The following SNTG2 variants were observed in gnomAD, a reference collection of about 807,000 sequenced individuals.
The protein encoded by SNTG2 is gamma-2-syntrophin.
Under a neutral mutation model 70.9 loss-of-function variants are expected in SNTG2, and 74 were observed. The observed-to-expected ratio is 1.04, with a 90% CI of 0.86 to 1.27. The LOEUF is 1.27. SNTG2 is among the 50% of genes most tolerant of loss of function. The pLI is 0.00. For missense variants in SNTG2, 717 were observed against 690.7 expected, an observed-to-expected ratio of 1.04 and a Z score of -0.43; for synonymous variants, 278 against 273.8, an observed-to-expected ratio of 1.02 and a Z score of -0.15.
chr2:953,929 C>T (rs1479586796), intron 1 of SNTG2, among the ~76,000 whole-genome samples: 1 of 150,772 alleles, frequency 6.6e-6, no homozygotes, highest in African/African-American at 2.4e-5. Flanking sequence ...CTCAAGATAC[C>T]CCATGAGGCT....
chr2:1,255,885 A>AATATATATATAAATATATAAAT (rs1305282798), intron 12 of SNTG2, among the ~76,000 whole-genome samples: 2 of 90,480 alleles, frequency 2.2e-5, no homozygotes, highest in South Asian at 6.4e-4. Flanking sequence ...TATATATATA[A>AATATATATATAAATATATAAAT]ATATATATAA....
At chr2:1,326,087 C>G (rs1044701124) in intron 16 of SNTG2, among the ~76,000 whole-genome samples, 1 of 152,148 alleles carries the variant, frequency 6.6e-6, no homozygotes, top group African/African-American at 2.4e-5. Flanking sequence ...CCTGCCTCAG[C>G]CTCCCAAAGT....
rs575970855 is a variant in SNTG2 at position 998,292 on chromosome 2, C to G, written c.72+47224C>G. On this transcript the variant is annotated intron_variant, in intron 1 of 16. Transcript: ENST00000308624. ...TCACACTAATTCTCTAGCAGTATATCCTAACCAAAATGAAAACATGGAAAT... is the reference window on the plus strand; with the variant it reads ...TCACACTAATTCTCTAGCAGTATATGCTAACCAAAATGAAAACATGGAAAT... Among the ~76,000 whole-genome samples, 5 of 151,910 alleles carry G rather than the reference C, an allele frequency of 3.3e-5. No homozygotes were observed. In the East Asian group the frequency reaches 9.7e-4, roughly 29 times the overall value.
At chr2:1,020,202 C>T (rs1483267082) in intron 1 of SNTG2, among the ~76,000 whole-genome samples, 3 of 152,358 alleles carry the variant, frequency 2.0e-5, no homozygotes, top group East Asian at 1.9e-4. Context: ...TACGTGCATG[C>T]TCTTCCAGCC....
At chr2:1,234,998 G>C (rs796814453) in intron 9 of SNTG2, among the ~76,000 whole-genome samples, 22 of 152,350 alleles carry the variant, frequency 1.4e-4, no homozygotes, top group African/African-American at 5.3e-4. Context: ...TCCCTGAGAA[G>C]ACACTGTCGT....
At chr2:1,365,143 C>T (rs1222516249) in intron 16 of SNTG2, among the ~76,000 whole-genome samples, 3 of 151,790 alleles carry the variant, frequency 2.0e-5, no homozygotes, top group Admixed American at 1.3e-4. Context: ...ATTTTGAGTA[C>T]AGTCTCACGC....
rs1678814499 is a variant in SNTG2, at chr2:1,267,591, T to C, written c.1284+20T>C. ...ACCGGGGTAAGTGAACAACTCACAC[T>C]CTTCTCACCTACACCTGCTCGGGTG... On this transcript the variant is annotated intron_variant, in intron 14 of 16. Transcript: ENST00000308624. 2.5e-6 allele frequency: 4 copies of C among 1,606,992 alleles called. No homozygotes were observed. The East Asian group carries it at 6.7e-5, about 27-fold the overall frequency.
chr2:1,178,916 T>G (rs77451108), intron 8 of SNTG2, among the ~76,000 whole-genome samples: 84,519 of 151,722 alleles, frequency 0.56, 24,794 homozygotes, highest in East Asian at 0.75. Flanking sequence ...GAATTCAGCT[T>G]TGAATCCATC....
At chr2:1,180,672 G>T (rs560211703) in intron 8 of SNTG2, among the ~76,000 whole-genome samples, 1 of 148,198 alleles carries the variant, frequency 6.7e-6, no homozygotes, top group South Asian at 2.2e-4. Context: ...ATTCCTCAGG[G>T]ATCTAGAACT....
chr2:1,006,285 C>T (rs1482251582), intron 1 of SNTG2, among the ~76,000 whole-genome samples: 2 of 150,580 alleles, frequency 1.3e-5, no homozygotes, highest in Non-Finnish European at 2.9e-5. Flanking sequence ...ACAATGTGCA[C>T]ATGTACCTTA....
chr2:1,321,559 G>A (rs898735392), intron 16 of SNTG2, among the ~76,000 whole-genome samples: 5 of 152,114 alleles, frequency 3.3e-5, no homozygotes, highest in South Asian at 2.1e-4. Context: ...AGCACCGATC[G>A]ATGCCCACAG....
At chr2:1,100,835 G>C (rs750774187) in intron 4 of SNTG2, among the ~76,000 whole-genome samples, 3 of 152,116 alleles carry the variant, frequency 2.0e-5, no homozygotes, top group Non-Finnish European at 2.9e-5. Context: ...AGTAGGTAAC[G>C]TTCAGTAAAG....
chr2:1,225,398 G>T (rs1269295869), intron 9 of SNTG2, among the ~76,000 whole-genome samples: 1 of 152,210 alleles, frequency 6.6e-6, no homozygotes. Context: ...GTATGCAGGA[G>T]TATGAAAAGA....
chr2:981,228 T>G (rs1265386605), intron 1 of SNTG2, among the ~76,000 whole-genome samples: 1 of 152,214 alleles, frequency 6.6e-6, no homozygotes, highest in East Asian at 1.9e-4. Context: ...TAGCTGCCTG[T>G]TCTCCTCAAG....
intron 1 of SNTG2, among the ~76,000 whole-genome samples, chr2:985,130 C>T (rs1176260660): frequency 6.6e-6 from 1 of 152,110 alleles, no homozygotes; most frequent in Non-Finnish European, 1.5e-5. Context: ...CATTCTTAGA[C>T]ATAATGTGGC....
At chr2:1,006,163 T>C (rs1659563984) in intron 1 of SNTG2, among the ~76,000 whole-genome samples, 1 of 103,156 alleles carries the variant, frequency 9.7e-6, no homozygotes, top group African/African-American at 3.8e-5. Context: ...CTCTGGGGAC[T>C]GTGGTGGGGT....
chr2:1,346,684 A>G (rs1426781724), intron 16 of SNTG2: 1 of 152,276 alleles, frequency 6.6e-6, no homozygotes, highest in African/African-American at 2.4e-5. Flanking sequence ...TGAGGTCCCA[A>G]GAAGGTGCAC....
intron 4 of SNTG2, among the ~76,000 whole-genome samples, chr2:1,115,759 T>G (rs543198404): frequency 1.1e-4 from 17 of 147,856 alleles, no homozygotes; most frequent in African/African-American, 4.2e-4. Flanking sequence ...AAGGATCGTG[T>G]GTACTAAGTG....
intron 1 of SNTG2, among the ~76,000 whole-genome samples, chr2:991,871 A>G (rs564351362): frequency 3.2e-4 from 49 of 152,332 alleles, no homozygotes; most frequent in African/African-American, 1.2e-3. Flanking sequence ...CCTTAAGCTT[A>G]AATCTGGGAG....
Sources: allele counts gnomAD v4.1 joint callset (sites outside exome capture counted in the v4.1 genomes callset), GRCh38; gene constraint gnomAD v4.1.1; transcripts MANE v1.5; gene names NCBI Gene and HGNC (gene_info 2026-07-23, HGNC 2026-07-21).